The following TBC1D5 variants were observed in gnomAD, a reference collection of about 807,000 sequenced individuals.
The protein encoded by TBC1D5 is TBC1 domain family member 5, also known as TBC1 domain family, member 5.
Under a neutral mutation model 100.3 loss-of-function variants are expected in TBC1D5, and 75 were observed. That is an observed-to-expected ratio of 0.75 (90% CI 0.62 to 0.91). TBC1D5 has a LOEUF of 0.91. TBC1D5 is among the 40% of genes least tolerant of loss of function. The pLI, the probability that TBC1D5 is intolerant of heterozygous loss-of-function variation, is 0.00. For synonymous variants in TBC1D5, 323 were observed against 325.6 expected, an observed-to-expected ratio of 0.99 and a Z score of 0.09; for missense variants, 910 against 942.4, an observed-to-expected ratio of 0.97 and a Z score of 0.45.
chr3:17,484,023 G>A (rs1161014249), intron 3 of TBC1D5, among the ~76,000 whole-genome samples: 1 of 152,078 alleles, frequency 6.6e-6, no homozygotes, highest in Admixed American at 6.6e-5. Context: ...GACAACTGGA[G>A]AAAGTGGCCT....
chr3:17,480,223 C>G (rs939664626), intron 3 of TBC1D5, among the ~76,000 whole-genome samples: 2 of 150,490 alleles, frequency 1.3e-5, no homozygotes, highest in Non-Finnish European at 3.0e-5. Context: ...AAGGGTGGCT[C>G]AGCATGTGCC....
intron 3 of TBC1D5, among the ~76,000 whole-genome samples, chr3:17,504,079 T>G (rs1185432857): frequency 6.7e-6 from 1 of 150,010 alleles, no homozygotes; most frequent in Non-Finnish European, 1.5e-5. Flanking sequence ...GCTAGAATTA[T>G]CAGGGACAAT....
At chr3:17,591,262 A>AG (rs1560228112) in intron 2 of TBC1D5, among the ~76,000 whole-genome samples, 4 of 112,846 alleles carry the variant, frequency 3.5e-5, no homozygotes, top group East Asian at 2.1e-4. Context: ...AAAAAAAAAA[A>AG]AAAACAAAAA....
chr3:17,215,076 T>C (rs2073464603), intron 17 of TBC1D5, among the ~76,000 whole-genome samples: 1 of 151,972 alleles, frequency 6.6e-6, no homozygotes, highest in Admixed American at 6.6e-5. Flanking sequence ...GTAGATGATT[T>C]TGATTAGTTT....
At chr3:17,602,122 C>A (rs527494739) in intron 2 of TBC1D5, among the ~76,000 whole-genome samples, 8 of 152,298 alleles carry the variant, frequency 5.3e-5, no homozygotes, top group African/African-American at 9.6e-5. Context: ...TAAGCCATTG[C>A]GCCCGGCCAA....
chr3:17,168,676 G>A (rs914155330), intron 19 of TBC1D5, among the ~76,000 whole-genome samples: 6 of 152,144 alleles, frequency 3.9e-5, no homozygotes, highest in African/African-American at 1.4e-4. Context: ...AGGAAGGGAG[G>A]AGGGCACAAT....
chr3:17,406,812 G>A, intron 4 of TBC1D5: 1 of 282,668 alleles, frequency 3.5e-6, no homozygotes, highest in Non-Finnish European at 6.5e-6. Context: ...AGTTCAGTGA[G>A]TAAACAAGAA....
intron 1 of TBC1D5, among the ~76,000 whole-genome samples, chr3:17,722,450 A>C (rs2075784161): frequency 6.6e-6 from 1 of 152,222 alleles, no homozygotes; most frequent in African/African-American, 2.4e-5. Context: ...CATAAAACAA[A>C]GTTCTCACTG....
chr3:17,728,241 C>G (rs916137510), intron 1 of TBC1D5, among the ~76,000 whole-genome samples: 1 of 152,082 alleles, frequency 6.6e-6, no homozygotes, highest in Non-Finnish European at 1.5e-5. Context: ...GCTGCCATCA[C>G]TATTAATTAA....
chr3:17,482,635 G>C (rs114497218), intron 3 of TBC1D5, among the ~76,000 whole-genome samples: 9,209 of 152,096 alleles, frequency 0.061, 527 homozygotes, highest in African/African-American at 0.15. Context: ...AAACTAAGTT[G>C]GTCTTTATTT....
At chr3:17,511,600 A>C (rs2095908057) in intron 2 of TBC1D5, among the ~76,000 whole-genome samples, 1 of 152,020 alleles carries the variant, frequency 6.6e-6, no homozygotes, top group Non-Finnish European at 1.5e-5. Flanking sequence ...AATGATATTC[A>C]TACGTTCATT....
intron 2 of TBC1D5, among the ~76,000 whole-genome samples, chr3:17,573,841 A>G (rs1256893317): frequency 6.6e-6 from 1 of 151,944 alleles, no homozygotes; most frequent in Non-Finnish European, 1.5e-5. Flanking sequence ...CTATCACATA[A>G]TTCATCACAC....
intron 3 of TBC1D5, among the ~76,000 whole-genome samples, chr3:17,435,819 A>G (rs1042613686): frequency 8.5e-5 from 13 of 152,222 alleles, no homozygotes; most frequent in African/African-American, 3.1e-4. Context: ...TGTGTATTGG[A>G]GAGATGTAGA....
chr3:17,297,712 G>A (rs1480010619), intron 14 of TBC1D5, among the ~76,000 whole-genome samples: 2 of 151,820 alleles, frequency 1.3e-5, no homozygotes, highest in East Asian at 1.9e-4. Flanking sequence ...CCTTCCTAGT[G>A]GCTGGGACTA....
intron 9 of TBC1D5, among the ~76,000 whole-genome samples, chr3:17,382,156 C>T (rs528963812): frequency 2.2e-4 from 33 of 152,066 alleles, no homozygotes; most frequent in Non-Finnish European, 4.9e-4. Context: ...CAACTACCAA[C>T]ATGAACCTTT....
chr3:17,303,572 T>C (rs556729312), intron 14 of TBC1D5, among the ~76,000 whole-genome samples: 10 of 152,134 alleles, frequency 6.6e-5, no homozygotes, highest in Non-Finnish European at 1.2e-4. Context: ...GAGACTTAAA[T>C]TCCCCTTCAC....
intron 3 of TBC1D5, among the ~76,000 whole-genome samples, chr3:17,493,860 T>TG (rs1415628408): frequency 1.3e-5 from 2 of 152,202 alleles, no homozygotes; most frequent in African/African-American, 2.4e-5. Flanking sequence ...TTCTTTGCAT[T>TG]GGGTTAGAAC....
At chr3:17,305,852 T>A (rs1429857865) in intron 14 of TBC1D5, among the ~76,000 whole-genome samples, 1 of 152,192 alleles carries the variant, frequency 6.6e-6, no homozygotes, top group East Asian at 1.9e-4. Context: ...ATCACAACTG[T>A]TAACTGATGT....
At chr3:17,200,150 G>A (rs2071279635) in intron 18 of TBC1D5, among the ~76,000 whole-genome samples, 1 of 152,000 alleles carries the variant, frequency 6.6e-6, no homozygotes, top group Non-Finnish European at 1.5e-5. Flanking sequence ...TTTGTTCTTG[G>A]CTTATTATAA....
Sources: gnomAD v4.1 joint callset for allele counts (sites outside exome capture counted in the v4.1 genomes callset) on GRCh38, gnomAD v4.1.1 for gene constraint, MANE v1.5 for transcripts, NCBI Gene and HGNC (gene_info 2026-07-23, HGNC 2026-07-21) for gene names.